C1QTNF6: variants seen among roughly 807,000 people sequenced by gnomAD.
The protein encoded by C1QTNF6 is complement C1q tumor necrosis factor-related protein 6.
C1QTNF6 carries 17 observed loss-of-function variants against 20.7 expected under a neutral mutation model. That is an observed-to-expected ratio of 0.82 (90% CI 0.56 to 1.23). C1QTNF6 has a LOEUF of 1.23. Ranked by LOEUF, C1QTNF6 falls within the 50% of genes most tolerant of loss-of-function variation. The pLI is 0.00. For synonymous variants in C1QTNF6, 130 were observed against 156.3 expected, an observed-to-expected ratio of 0.83 and a Z score of 1.25; for missense variants, 329 against 389.7, an observed-to-expected ratio of 0.84 and a Z score of 1.31.
chr22:37,182,370 G>T lies in C1QTNF6; in HGVS notation c.655C>A (p.Leu219Met), dbSNP rs765056070. ...IMHNQKEAVI[L>M]YAQPSERSIM... Reference sequence around the variant, plus strand: ...CTGCGCTCGCTGGGCTGCGCGTACAGGATGACAGCCTCTTTCTGGTTATGC... The same window carrying T: ...CTGCGCTCGCTGGGCTGCGCGTACATGATGACAGCCTCTTTCTGGTTATGC... Residue 219 changes from leucine (L) to methionine (M), a missense_variant, in exon 3 of 3, where the codon CTG becomes ATG. Coordinates refer to ENST00000337843, the MANE Select transcript of C1QTNF6 (RefSeq NM_031910.4). 20 of 1,614,172 alleles carry T rather than the reference G, an allele frequency of 1.2e-5. No homozygotes were observed. The highest frequency in any genetic ancestry group is 1.7e-5 in the Non-Finnish European group (20 of 1,180,052).
chr22:37,194,869 G>T (rs1925047005), intron 2 of C1QTNF6, among the ~76,000 whole-genome samples: 1 of 150,836 alleles, frequency 6.6e-6, no homozygotes, highest in Non-Finnish European at 1.5e-5. Flanking sequence ...TGACAGAAAA[G>T]ATAGAAAAGA....
chr22:37,194,190 G>A (rs748928899), intron 2 of C1QTNF6, among the ~76,000 whole-genome samples: 5 of 152,140 alleles, frequency 3.3e-5, no homozygotes, highest in African/African-American at 7.2e-5. Context: ...GGGACCTGCC[G>A]CCAAGTTTGT....
upstream of C1QTNF6, chr22:37,188,349 GCTTCCCACTTCCC>G (rs1924567440): frequency 2.8e-6 from 2 of 714,318 alleles, no homozygotes; most frequent in Admixed American, 7.0e-5. Flanking sequence ...GGGCAGAGCC[GCTTCCCACTTCCC>G]CTCCTCCCTG....
Position 37,184,402 on chromosome 22 carries a change from A to G in C1QTNF6, c.289+816T>C, listed in dbSNP as rs11089827. 1.4e-6 allele frequency: 1 copy of G among 716,934 alleles called. No individual in the cohort carries two copies. Among genetic ancestry groups the G allele is most frequent in the Non-Finnish European group, 2.6e-6 (1 of 384,990 alleles). 44.4% of individuals were successfully genotyped at this position (716,934 alleles called of 1,614,324 possible). On this transcript the variant is annotated intron_variant, in intron 2 of 2. Transcript: ENST00000337843. The surrounding 1 kb of genome is among the most constrained non-coding windows in gnomAD (Gnocchi z 4.0). ...CAAGGCCTGGTCACAGCCGTCAGCC[A>G]CCACAGCCTGGAAGGGAAGCGAGTC...
chr22:37,182,908 A>G, intron 2 of C1QTNF6, 173 bp from the exon 3 acceptor site: 2 of 1,434,300 alleles, frequency 1.4e-6, no homozygotes, highest in South Asian at 3.0e-5. Flanking sequence ...GCCTAAAGAA[A>G]ACATCATGAC....
chr22:37,190,702 AAAG>A (rs1758112043), upstream of C1QTNF6: 1 of 95,270 alleles, frequency 1.0e-5, no homozygotes, highest in African/African-American at 4.0e-5. Context: ...AAAAAAGAAG[AAAG>A]AAGGAAAAAC....
rs78009225 is a variant in C1QTNF6, at chr22:37,184,603, G to A, written c.289+615C>T. Reference sequence around the variant, plus strand: ...CTGCATGCTCCGACCCTCGGCCCCCGCTGGTTGCTCTCCACATGACATTAG... The same window carrying A: ...CTGCATGCTCCGACCCTCGGCCCCCACTGGTTGCTCTCCACATGACATTAG... On this transcript the variant is annotated intron_variant, in intron 2 of 2. Transcript: ENST00000337843. This position sits in a 1 kb window ranked among gnomAD's most constrained non-coding sequence, Gnocchi z 4.0. Among the ~76,000 whole-genome samples the A allele has an allele frequency of 6.7e-3, 1,011 of 151,964 alleles. 7 individuals are homozygous for A. Among genetic ancestry groups the A allele is most frequent in the African/African-American group, 0.023 (963 of 41,426 alleles).
chr22:37,185,252 C>T lies in C1QTNF6; in HGVS notation c.255G>A (p.Glu85=). The stretch of plus-strand genomic sequence containing the variant: ...TGGTGATATTAATGTAGGGTCTGAT[C>T]TCAGGCAGGGCGTGGGGGCGGCCGG... ...SSSGRPHALP[E]IRPYINITIL... Residue 85 remains glutamate (E), a synonymous_variant, in exon 2 of 3, where the codon GAG becomes GAA. Coordinates refer to ENST00000337843, the MANE Select transcript of C1QTNF6 (RefSeq NM_031910.4). 6.3e-7 allele frequency: 1 copy of T among 1,597,152 alleles called. No homozygotes were observed. Among genetic ancestry groups the T allele is most frequent in the Non-Finnish European group, 8.5e-7 (1 of 1,169,896 alleles).
chr22:37,187,116 T>A (rs1924423169), intron 1 of C1QTNF6, among the ~76,000 whole-genome samples: 1 of 152,066 alleles, frequency 6.6e-6, no homozygotes, highest in African/African-American at 2.4e-5. Flanking sequence ...CCCCCAGAGC[T>A]GGATGGTAGC....
chr22:37,185,610 T>C, intron 1 of C1QTNF6, 155 bp from the exon 2 acceptor site: 2 of 1,357,522 alleles, frequency 1.5e-6, no homozygotes, highest in Non-Finnish European at 9.5e-7. Context: ...ACAAGAAGAC[T>C]GAGACCTCCA....
Position 37,185,315 on chromosome 22 carries a change from G to A in C1QTNF6, c.192C>T (p.Asp64=), listed in dbSNP as rs747547190. 3 of 1,613,372 alleles carry A rather than the reference G, an allele frequency of 1.9e-6. No individual in the cohort carries two copies. The highest frequency in any genetic ancestry group is 2.5e-6 in the Non-Finnish European group (3 of 1,179,786). ...AGGATACATGGGCAGGATCCAGGGG[G>A]TCCTCAGAGTCACAGCACCGTTGGC... ...SGCQRCCDSE[D]PLDPAHVSSA... is the part of the protein sequence containing the mutation. The change falls in exon 2 of 3, where the codon GAC becomes GAT. Residue 64 remains aspartate, a synonymous_variant. Coordinates refer to ENST00000337843, the MANE Select transcript of C1QTNF6 (RefSeq NM_031910.4).
intron 2 of C1QTNF6, among the ~76,000 whole-genome samples, chr22:37,183,671 C>T (rs1924001299): frequency 6.6e-6 from 1 of 152,246 alleles, no homozygotes; most frequent in Non-Finnish European, 1.5e-5. Context: ...AAGGAGGGCA[C>T]AGGCCCTTGA....
chr22:37,188,259 G>T, upstream of C1QTNF6: 1 of 1,554,270 alleles, frequency 6.4e-7, no homozygotes, highest in South Asian at 1.2e-5. Context: ...ACTTGTTGCT[G>T]GCCCAGACCC....
At chr22:37,182,825 G>A (rs777733456) in intron 2 of C1QTNF6, 90 bp from the exon 3 acceptor site, 3 of 1,462,384 alleles carry the variant, frequency 2.1e-6, no homozygotes, top group Non-Finnish European at 2.7e-6. Context: ...CTCTGCCCCT[G>A]TCCTGGCCCA....
chr22:37,196,324 CA>C (rs1334155061), intron 1 of C1QTNF6: 1 of 152,244 alleles, frequency 6.6e-6, no homozygotes, highest in East Asian at 1.9e-4. Context: ...TCTTGTTAGG[CA>C]GGGGGAAGTT....
At chr22:37,185,527 C>T (rs759462071) in intron 1 of C1QTNF6, 72 bp from the exon 2 acceptor site, 142 of 1,457,448 alleles carry the variant, frequency 9.7e-5, no homozygotes, top group Non-Finnish European at 1.2e-4. Context: ...CTGGGGTGGG[C>T]GGGTGCTGCG....
upstream of C1QTNF6, chr22:37,199,401 A>G (rs1925356242): frequency 6.6e-6 from 1 of 152,360 alleles, no homozygotes; most frequent in Non-Finnish European, 1.5e-5. Flanking sequence ...CGGAGGGCGG[A>G]GCCACAGCCG....
At chr22:37,194,856 G>A (rs979256649) in intron 2 of C1QTNF6, among the ~76,000 whole-genome samples, 1 of 152,272 alleles carries the variant, frequency 6.6e-6, no homozygotes, top group Non-Finnish European at 1.5e-5. Context: ...GAGTCACCCT[G>A]AGTGACAGAA....
At chr22:37,192,369 G>A (rs183915851), upstream of C1QTNF6, among the ~76,000 whole-genome samples, 1 of 152,276 alleles carries the variant, frequency 6.6e-6, no homozygotes, top group East Asian at 1.9e-4. Context: ...TCCAGGTGTG[G>A]AGCCTAGGAC....
Sources: gnomAD v4.1 joint callset for allele counts (sites outside exome capture counted in the v4.1 genomes callset) on GRCh38, gnomAD v4.1.1 for gene constraint, Gnocchi (gnomAD v3.1) non-coding constraint, MANE v1.5 for transcripts, NCBI Gene and HGNC (gene_info 2026-07-23, HGNC 2026-07-21) for gene names.